The following CNKSR3 variants were observed in gnomAD, a reference collection of about 807,000 sequenced individuals.
CNKSR3 encodes the protein CNKSR family member 3.
A neutral mutation model predicts 67.7 loss-of-function variants in CNKSR3; 36 were observed. The observed-to-expected ratio is 0.53, with a 90% confidence interval of 0.41 to 0.70. The LOEUF (loss-of-function observed/expected upper bound fraction) is 0.70. Among genes scored for constraint, CNKSR3 ranks in the 30% least tolerant of loss-of-function variants. The probability of loss-of-function intolerance (pLI) is 0.00; values close to 1 mark genes in which losing one functional copy is unlikely to be tolerated. For synonymous variants in CNKSR3, 281 were observed against 271.4 expected (o/e 1.04, Z -0.35); for missense variants, 630 against 695.2 (o/e 0.91, Z 1.05).
chr6:154,450,098 T>A lies in CNKSR3; in HGVS notation c.213A>T (p.Ala71=), dbSNP rs117104961. 0.011 allele frequency: 17,705 copies of A among 1,614,046 alleles called. 111 individuals are homozygous for A. The highest frequency in any genetic ancestry group is 0.013 in the Non-Finnish European group (15,169 of 1,179,962). ...GACCGTCTTTTCCTGAACTAACCAG[T>A]GCACAGAGAAGGTCCACAGCCTCCA... is the stretch of plus-strand genomic sequence containing the variant. The part of the protein sequence containing the change: ...LVLEAVDLLC[A]LNYGLETDNM... Residue 71 remains alanine, a synonymous_variant, in exon 2 of 13, where the codon GCA becomes GCT. Coordinates refer to ENST00000607772, the MANE Select transcript of CNKSR3 (RefSeq NM_173515.4).
In CNKSR3 at chr6:154,393,405, G is replaced by A. The variant is rs892150421; in HGVS notation, c.*12949C>T. 2 of 152,178 alleles carry A rather than the reference G, an allele frequency of 1.3e-5. No homozygotes were observed. Among genetic ancestry groups the A allele is most frequent in the Non-Finnish European group, 2.9e-5 (2 of 68,038 alleles). The allele number at this position is 152,178 out of a possible 1,614,324, so 9.4% of individuals were successfully genotyped here. On this transcript the variant is annotated 3_prime_UTR_variant, in exon 13 of 13. Coordinates refer to ENST00000607772, the MANE Select transcript of CNKSR3 (RefSeq NM_173515.4). ...GTCAGGTAGAGAGCAGCATCTCCCT[G>A]TGATTTTGACTTCACTTTCCCTGCT...
intron 1 of CNKSR3, among the ~76,000 whole-genome samples, chr6:154,503,062 T>C (rs982217918): frequency 6.6e-6 from 1 of 152,178 alleles, no homozygotes; most frequent in African/African-American, 2.4e-5. Flanking sequence ...CATATATTTG[T>C]GCCAAGTTTT....
chr6:154,469,985 A>C (rs182183495), intron 1 of CNKSR3, among the ~76,000 whole-genome samples: 44 of 152,068 alleles, frequency 2.9e-4, no homozygotes, highest in Admixed American at 2.0e-4. Flanking sequence ...AATTGTTGCA[A>C]ATCTCCAAAA....
At position 154,391,624 on chromosome 6, in the gene CNKSR3, T is replaced by A; in HGVS notation, c.*14730A>T. The A allele has an allele frequency of 6.6e-6, 1 of 152,246 alleles. No individual in the cohort carries two copies. The highest frequency in any genetic ancestry group is 1.9e-4 in the East Asian group (1 of 5,196). The allele number at this position is 152,246 out of a possible 1,614,324, so 9.4% of individuals were successfully genotyped here. On this transcript the variant is annotated 3_prime_UTR_variant, in exon 13 of 13. Coordinates refer to ENST00000607772, the MANE Select transcript of CNKSR3 (RefSeq NM_173515.4). ...TCAATATGTGAATTTGGAGAGAACG[T>A]AATTTAGTTCATGCCATTTTGTGTC...
At chr6:154,428,005 C>A in intron 7 of CNKSR3, 123 bp downstream of exon 7, 1 of 665,964 alleles carries the variant, frequency 1.5e-6, no homozygotes. Context: ...ATAAACAAAG[C>A]AGGTACCCAC....
Position 154,450,174 on chromosome 6 carries a change from T to C in CNKSR3, c.137A>G (p.Gln46Arg). Residue 46 changes from glutamine to arginine, a missense_variant, in exon 2 of 13, where the codon CAG becomes CGG. Coordinates refer to ENST00000607772, the MANE Select transcript of CNKSR3 (RefSeq NM_173515.4). ...NGEQLLQISH[Q>R]DLEELGVTRI... is the part of the protein sequence containing the mutation. ...TGTGACCCCCAGCTCCTCCAGGTCC[T>C]GATGGGAAATCTGCAGCAGCTGCTC... 1 of 1,614,204 alleles carries C rather than the reference T, an allele frequency of 6.2e-7. No individual in the cohort carries two copies. The highest frequency in any genetic ancestry group is 8.5e-7 in the Non-Finnish European group (1 of 1,180,024).
chr6:154,443,577 C>T (rs1180573622), intron 2 of CNKSR3, among the ~76,000 whole-genome samples: 3 of 152,136 alleles, frequency 2.0e-5, no homozygotes, highest in African/African-American at 4.8e-5. Flanking sequence ...TGTGAGTATG[C>T]CCACTACCGT....
At chr6:154,452,591 T>C (rs1178327729) in intron 1 of CNKSR3, among the ~76,000 whole-genome samples, 1 of 152,242 alleles carries the variant, frequency 6.6e-6, no homozygotes, top group Non-Finnish European at 1.5e-5. Context: ...TAATTCATCA[T>C]ACAAGTTTAG....
intron 2 of CNKSR3, among the ~76,000 whole-genome samples, chr6:154,444,108 C>G (rs993416746): frequency 4.6e-5 from 7 of 152,082 alleles, no homozygotes; most frequent in African/African-American, 7.2e-5. Context: ...TTTAAAAAAA[C>G]ATGACGATAT....
chr6:154,496,280 G>A (rs1329805434), intron 1 of CNKSR3, among the ~76,000 whole-genome samples: 2 of 152,124 alleles, frequency 1.3e-5, no homozygotes, highest in East Asian at 1.9e-4. Context: ...AAATAAAGAC[G>A]AGCTGGCTGT....
At chr6:154,486,314 T>C (rs558045680) in intron 1 of CNKSR3, among the ~76,000 whole-genome samples, 2 of 150,382 alleles carry the variant, frequency 1.3e-5, no homozygotes, top group East Asian at 3.9e-4. Flanking sequence ...TTTTTTTTTT[T>C]AGACGGAGTC....
At chr6:154,503,481 A>T (rs1787037961) in intron 1 of CNKSR3, among the ~76,000 whole-genome samples, 2 of 151,880 alleles carry the variant, frequency 1.3e-5, no homozygotes. Flanking sequence ...TTTTTTAATT[A>T]GCCAGGTGTA....
rs71021051 is a variant in CNKSR3 at position 154,389,679 on chromosome 6, G to GAACC, written c.*16674_*16675insGGTT. Reference sequence around the variant, plus strand: ...AAGACTCCATTTTTTAAACATGTTAGAATAAAGGAATTCAATAAAGTTGCA... The same window carrying GAACC: ...AAGACTCCATTTTTTAAACATGTTAGAACCAATAAAGGAATTCAATAAAGTTGCA... On this transcript the variant is annotated 3_prime_UTR_variant, in exon 13 of 13. Transcript: ENST00000607772. 6.6e-6 allele frequency: 1 copy of GAACC among 151,652 alleles called. No individual in the cohort carries two copies. The highest frequency in any genetic ancestry group is 1.5e-5 in the Non-Finnish European group (1 of 67,864). The allele number at this position is 151,652 out of a possible 1,614,324, so 9.4% of individuals were successfully genotyped here.
In CNKSR3 at chr6:154,406,528, G is replaced by C; in HGVS notation, c.1494C>G (p.Asp498Glu). The change falls in exon 13 of 13, where the codon GAC becomes GAG. Residue 498 changes from aspartate to glutamate, a missense_variant. Physicochemically the swap from Asp to Glu is conservative, Grantham distance 45. This residue lies in a region of CNKSR3 where 308 missense variants were observed against 299.6 expected (regional missense o/e 1.03). Coordinates refer to ENST00000607772, the MANE Select transcript of CNKSR3 (RefSeq NM_173515.4). ...TGTAGCACCTGCTTCCTCGGATGTA[G>C]TCCGCACCCCGGACCAGATGCCGCT... ...TTERHLVRGA[D>E]YIRGSRCYIN... 6.2e-7 allele frequency: 1 copy of C among 1,614,222 alleles called. No individual in the cohort carries two copies. Among genetic ancestry groups the C allele is most frequent in the Non-Finnish European group, 8.5e-7 (1 of 1,180,046 alleles).
At chr6:154,441,870 T>C (rs1001043104) in intron 3 of CNKSR3, among the ~76,000 whole-genome samples, 3 of 152,220 alleles carry the variant, frequency 2.0e-5, no homozygotes, top group African/African-American at 7.2e-5. Flanking sequence ...ACAGTTTCAC[T>C]CTTCTCTAAG....
intron 1 of CNKSR3, among the ~76,000 whole-genome samples, chr6:154,483,678 G>A (rs80297995): frequency 1.6e-3 from 238 of 152,128 alleles, no homozygotes; most frequent in African/African-American, 5.5e-3. Context: ...GCTCCTTGTG[G>A]AGCACCAACA....
In CNKSR3 at chr6:154,393,728, T is replaced by C. The variant is rs189334221; in HGVS notation, c.*12626A>G. 3.3e-5 allele frequency: 5 copies of C among 152,340 alleles called. No homozygotes were observed. In the East Asian group the frequency reaches 9.6e-4, roughly 29 times the overall value. 9.4% of individuals were successfully genotyped at this position (152,340 alleles called of 1,614,324 possible). On this transcript the variant is annotated 3_prime_UTR_variant, in exon 13 of 13. Coordinates refer to ENST00000607772, the MANE Select transcript of CNKSR3 (RefSeq NM_173515.4). ...CTGTCTTCTATAAGAAATCTTTCCC[T>C]ATCCAAGGTTACAAAAACAAATTTC... is the stretch of plus-strand genomic sequence containing the variant.
At position 154,442,138 on chromosome 6, in the gene CNKSR3, C is replaced by T. The variant is rs757446777; in HGVS notation, c.369G>A (p.Ser123=). 5 of 1,613,646 alleles carry T rather than the reference C, an allele frequency of 3.1e-6. No individual in the cohort carries two copies. In the South Asian group the frequency reaches 4.4e-5, roughly 14 times the overall value. Residue 123 remains serine, a synonymous_variant, in exon 3 of 13, where the codon TCG becomes TCA. Coordinates refer to ENST00000607772, the MANE Select transcript of CNKSR3 (RefSeq NM_173515.4). ...TGGCGGCGCCGATGAGCTCCACCAC[C>T]GAGGTCAGGAACTCATTGGGGGCCT... ...SRKAPNEFLT[S]VVELIGAAKA...
chr6:154,449,184 T>C (rs571398109), intron 2 of CNKSR3, among the ~76,000 whole-genome samples: 104 of 152,348 alleles, frequency 6.8e-4, no homozygotes, highest in African/African-American at 7.5e-4. Flanking sequence ...CACATTTTTT[T>C]CCCATTTTAT....
Sources: allele counts gnomAD v4.1 joint callset (sites outside exome capture counted in the v4.1 genomes callset), GRCh38; gene constraint gnomAD v4.1.1; regional missense constraint gnomAD v4.1.1; transcripts MANE v1.5; gene names NCBI Gene and HGNC (gene_info 2026-07-23, HGNC 2026-07-21).